The following KL variants were observed in gnomAD, a reference collection of about 807,000 sequenced individuals.
KL encodes klotho, also known as alpha-klotho.
Under a neutral mutation model 84.2 loss-of-function variants are expected in KL, and 62 were observed. That is an observed-to-expected ratio of 0.74 (90% confidence interval 0.60 to 0.91). The LOEUF (loss-of-function observed/expected upper bound fraction) is 0.91. Among genes scored for constraint, KL ranks in the 40% least tolerant of loss-of-function variants. KL has a pLI of 0.00. For synonymous variants in KL, 528 were observed against 528.0 expected (o/e 1.00, Z 0.00); for missense variants, 1,261 against 1,305.7 (o/e 0.97, Z 0.53).
intron 1 of KL, among the ~76,000 whole-genome samples, chr13:33,052,138 G>C (rs893836528): frequency 6.6e-6 from 1 of 152,072 alleles, no homozygotes; most frequent in Non-Finnish European, 1.5e-5. Flanking sequence ...TGGATTTTTT[G>C]GTAGAAATGG....
chr13:33,051,042 T>G (rs1375861163), intron 1 of KL, among the ~76,000 whole-genome samples: 1 of 152,216 alleles, frequency 6.6e-6, no homozygotes, highest in Non-Finnish European at 1.5e-5. Flanking sequence ...CAGGGGTTGT[T>G]TCCTCCACCT....
At chr13:33,037,546 A>G (rs919593192) in intron 1 of KL, among the ~76,000 whole-genome samples, 6 of 152,228 alleles carry the variant, frequency 3.9e-5, no homozygotes, top group African/African-American at 1.4e-4. Context: ...CATTGTATCC[A>G]TGCCTTTTGT....
rs980867397 is a variant in KL, at chr13:33,063,996, G to A, written c.2849G>A (p.Ser950Asn). Residue 950 changes from serine (S) to asparagine (N), a missense_variant, in exon 5 of 5, where the codon AGC becomes AAC. Coordinates refer to ENST00000380099, the MANE Select transcript of KL (RefSeq NM_004795.4). ...AAACATTACAGGAAAATTATTGACA[G>A]CAATGGTTTCCCGGGCCCAGAAACT... ...SMKHYRKIIDSNGFPGPETLE... is the reference protein window; with the variant it reads ...SMKHYRKIIDNNGFPGPETLE... 1.5e-5 allele frequency: 24 copies of A among 1,614,040 alleles called. No homozygotes were observed. The highest frequency in any genetic ancestry group is 6.7e-5 in the East Asian group (3 of 44,888).
At chr13:33,050,646 T>C (rs1247553125) in intron 1 of KL, among the ~76,000 whole-genome samples, 1 of 152,182 alleles carries the variant, frequency 6.6e-6, no homozygotes, top group Non-Finnish European at 1.5e-5. Flanking sequence ...TCCATGGGGT[T>C]GCAGCGATTT....
At chr13:33,049,249 C>T (rs141113969) in intron 1 of KL, among the ~76,000 whole-genome samples, 1,857 of 152,216 alleles carry the variant, frequency 0.012, 24 homozygotes, top group Non-Finnish European at 0.019. Context: ...AGAGAGTTTT[C>T]CTGCTTCAGC....
intron 1 of KL, among the ~76,000 whole-genome samples, chr13:33,023,306 A>T (rs567323419): frequency 1.3e-5 from 2 of 152,330 alleles, no homozygotes; most frequent in East Asian, 3.9e-4. Context: ...ATATATGTCA[A>T]CGTGTTTTGA....
rs890087764 is a variant in KL, at chr13:33,061,707, T to C, written c.2628T>C (p.Asp876=). Residue 876 remains aspartate, a synonymous_variant, in exon 4 of 5, where the codon GAT becomes GAC. Coordinates refer to ENST00000380099, the MANE Select transcript of KL (RefSeq NM_004795.4). ...LPMYIISNGI[D]DGLHAEDDQL... ...TGTACATAATATCCAATGGAATCGA[T>C]GACGGGCTGCATGCTGAGGACGACC... The C allele has an allele frequency of 6.2e-7, 1 of 1,613,802 alleles. No homozygotes were observed. The highest frequency in any genetic ancestry group is 1.3e-5 in the African/African-American group (1 of 74,896).
At chr13:33,059,619 T>C (rs1306169471) in intron 3 of KL, among the ~76,000 whole-genome samples, 1 of 152,038 alleles carries the variant, frequency 6.6e-6, no homozygotes, top group East Asian at 1.9e-4. Context: ...ATTACAGGTG[T>C]GCACCACCAC....
intron 1 of KL, among the ~76,000 whole-genome samples, chr13:33,019,713 G>A (rs1870500223): frequency 9.0e-6 from 1 of 110,642 alleles, no homozygotes; most frequent in South Asian, 2.8e-4. Context: ...AAAATGGTGT[G>A]TGTGTGTGTG....
upstream of KL, chr13:33,016,378 C>G: frequency 5.9e-6 from 1 of 168,528 alleles, no homozygotes; most frequent in Non-Finnish European, 1.1e-5. Flanking sequence ...GGCGGGCGGG[C>G]GCGGCGGGGC....
intron 1 of KL, among the ~76,000 whole-genome samples, chr13:33,045,476 T>TTTTG (rs1430605987): frequency 1.3e-5 from 2 of 152,164 alleles, no homozygotes; most frequent in Non-Finnish European, 2.9e-5. Context: ...TTTCATAATT[T>TTTTG]TTTGTTTGTT....
chr13:33,052,466 T>G (rs1313959719), intron 1 of KL, among the ~76,000 whole-genome samples: 1 of 152,250 alleles, frequency 6.6e-6, no homozygotes, highest in Non-Finnish European at 1.5e-5. Context: ...TATTTCCTTC[T>G]TAGCATATAG....
At chr13:33,043,001 A>G (rs575741905) in intron 1 of KL, among the ~76,000 whole-genome samples, 4 of 152,200 alleles carry the variant, frequency 2.6e-5, no homozygotes, top group South Asian at 4.2e-4. Context: ...GAACATATCA[A>G]TTTGTAAGTT....
upstream of KL, chr13:33,016,332 G>A: frequency 6.6e-6 from 1 of 151,998 alleles, no homozygotes; most frequent in Non-Finnish European, 1.5e-5. Flanking sequence ...TGCCAGCGGA[G>A]CCCGCCGGGG....
At chr13:33,059,082 A>G (rs926647815) in intron 3 of KL, among the ~76,000 whole-genome samples, 2 of 152,196 alleles carry the variant, frequency 1.3e-5, no homozygotes, top group African/African-American at 4.8e-5. Context: ...CGTAAAATGC[A>G]ACAAAACCTC....
chr13:33,016,673 GC>G lies in KL; in HGVS notation c.234del (p.Gly79AlafsTer46), dbSNP rs775512230. ...GGCAGCGCCGCCTACCAGACCGAGG[GC>G]GGCTGGCAGCAGCACGGCAAGGGTG... ...AVGSAAYQTE[G>X]GWQQHGKGAS... On this transcript the variant is annotated frameshift_variant, in exon 1 of 5. Transcript: ENST00000380099. LOFTEE classifies it high-confidence loss of function. 3 of 1,595,410 alleles carry G rather than the reference GC, an allele frequency of 1.9e-6. No individual in the cohort carries two copies. In the Admixed American group the frequency reaches 5.2e-5, roughly 27 times the overall value.
At chr13:33,016,335 C>T, upstream of KL, 1 of 151,924 alleles carries the variant, frequency 6.6e-6, no homozygotes, top group Non-Finnish European at 1.5e-5. Context: ...CAGCGGAGCC[C>T]GCCGGGGAGC....
intron 1 of KL, among the ~76,000 whole-genome samples, chr13:33,034,544 A>T (rs1282587237): frequency 6.6e-6 from 1 of 152,148 alleles, no homozygotes; most frequent in African/African-American, 2.4e-5. Context: ...TGCCACCAAA[A>T]AAAAAAATAA....
Position 33,060,877 on chromosome 13 carries a change from G to A in KL, c.1798G>A (p.Ala600Thr), listed in dbSNP as rs752228135. ...ACATTTTCGCTTCTCCCTGGACTGG[G>A]CCCTGATTCTCCCTCTGGGTAACCA... Reference protein sequence around the residue: ...VTHFRFSLDWALILPLGNQSQ... With the variant: ...VTHFRFSLDWTLILPLGNQSQ... Residue 600 changes from alanine to threonine, a missense_variant, in exon 4 of 5, where the codon GCC becomes ACC. By Grantham distance (58) the Ala-to-Thr change is moderately conservative. Coordinates refer to ENST00000380099, the MANE Select transcript of KL (RefSeq NM_004795.4). The A allele has an allele frequency of 1.9e-6, 3 of 1,614,182 alleles. No homozygotes were observed. Among genetic ancestry groups the A allele is most frequent in the South Asian group, 1.1e-5 (1 of 91,084 alleles).
Sources: gnomAD v4.1 joint callset for allele counts (sites outside exome capture counted in the v4.1 genomes callset) on GRCh38, gnomAD v4.1.1 for gene constraint, MANE v1.5 for transcripts, NCBI Gene and HGNC (gene_info 2026-07-23, HGNC 2026-07-21) for gene names.